Variants in POC1B observed in about 807,000 individuals in gnomAD.
POC1B encodes the protein POC1 centriolar protein B, also known as POC1 centriolar protein homolog B.
A neutral mutation model predicts 60.6 loss-of-function variants in POC1B; 44 were observed. The observed-to-expected ratio is 0.73, with a 90% CI of 0.57 to 0.93. The LOEUF (loss-of-function observed/expected upper bound fraction) is 0.93. POC1B is among the 40% of genes least tolerant of loss of function. POC1B has a pLI of 0.00. For synonymous variants in POC1B, 180 were observed against 198.9 expected, an observed-to-expected ratio of 0.90 and a Z score of 0.80; for missense variants, 555 against 572.3, an observed-to-expected ratio of 0.97 and a Z score of 0.31.
In POC1B at chr12:89,507,965, A is replaced by G. The variant is rs180995504; in HGVS notation, c.101-10623T>C. Among the ~76,000 whole-genome samples the G allele has an allele frequency of 1.2e-3, 181 of 152,330 alleles. 1 individual carries two copies. Among genetic ancestry groups the G allele is most frequent in the Admixed American group, 2.2e-3 (33 of 15,300 alleles). Reference sequence around the variant, plus strand: ...TATCTTACGTATCTTTTCAGTTGGTAATATGTGTACCTGAAACAGAATTCC... The same window carrying G: ...TATCTTACGTATCTTTTCAGTTGGTGATATGTGTACCTGAAACAGAATTCC... On this transcript the variant is annotated intron_variant, in intron 2 of 11. Coordinates refer to ENST00000313546, the MANE Select transcript of POC1B (RefSeq NM_172240.3).
At chr12:89,440,801 G>A (rs1049604942) in intron 10 of POC1B, among the ~76,000 whole-genome samples, 9 of 152,248 alleles carry the variant, frequency 5.9e-5, no homozygotes, top group African/African-American at 2.2e-4. Flanking sequence ...CACAGAGCAT[G>A]AGCCGAAGCA....
chr12:89,443,768 G>A (rs1881640360), intron 10 of POC1B, among the ~76,000 whole-genome samples: 2 of 151,996 alleles, frequency 1.3e-5, no homozygotes, highest in African/African-American at 4.8e-5. Flanking sequence ...CAGAACTGAA[G>A]GAGATAGAGA....
chr12:89,478,481 G>A (rs754275898), intron 4 of POC1B, among the ~76,000 whole-genome samples: 27 of 152,170 alleles, frequency 1.8e-4, no homozygotes, highest in Non-Finnish European at 3.1e-4. Flanking sequence ...TAAGCAAGAA[G>A]AGGCAACTCA....
intron 10 of POC1B, among the ~76,000 whole-genome samples, chr12:89,440,959 G>A (rs1312895153): frequency 6.6e-6 from 1 of 152,266 alleles, no homozygotes; most frequent in Admixed American, 6.5e-5. Context: ...AGCACACCAG[G>A]AGATTATATC....
intron 11 of POC1B, 36 bp downstream of exon 11, chr12:89,425,125 C>A: frequency 6.2e-7 from 1 of 1,600,734 alleles, no homozygotes; most frequent in Non-Finnish European, 8.6e-7. Flanking sequence ...GTATTTTACC[C>A]CCAAGTGCAA....
chr12:89,414,358 G>A, the POC1B span, among the ~76,000 whole-genome samples: 1 of 152,320 alleles, frequency 6.6e-6, no homozygotes, highest in South Asian at 2.1e-4. Context: ...CGAAGAAAAT[G>A]CAACTAATGT....
In POC1B at chr12:89,470,503, T is replaced by C. The variant is rs779242707; in HGVS notation, c.677-9A>G. On this transcript the variant is annotated splice_polypyrimidine_tract_variant and intron_variant, in intron 6 of 11. Coordinates refer to ENST00000313546, the MANE Select transcript of POC1B (RefSeq NM_172240.3). ...AACTCCACCGCTGTGAACTGATTTG[T>C]AGAAAATAAAAGCAAAAAGTTCAGA... 4.4e-6 allele frequency: 7 copies of C among 1,584,652 alleles called. No homozygotes were observed. The South Asian group carries it at 7.9e-5, about 18-fold the overall frequency.
chr12:89,522,464 T>C, intron 2 of POC1B: 2 of 354,756 alleles, frequency 5.6e-6, no homozygotes, highest in East Asian at 4.2e-5. Context: ...CACATCAACA[T>C]AAATCATACC....
rs770942692 is a variant in POC1B at position 89,523,955 on chromosome 12, T to C, written c.100+1165A>G. ...AGCCCCTCTCGCTTATTGGTCCTAA[T>C]CAAGCGTACTCTATCAAGATTGCTG... On this transcript the variant is annotated intron_variant, in intron 2 of 11. Transcript: ENST00000313546. 3.1e-6 allele frequency: 5 copies of C among 1,613,696 alleles called. No homozygotes were observed. The East Asian group carries it at 1.1e-4, about 36-fold the overall frequency.
At chr12:89,457,232 T>C (rs1882296461) in intron 10 of POC1B, among the ~76,000 whole-genome samples, 1 of 152,208 alleles carries the variant, frequency 6.6e-6, no homozygotes, top group Non-Finnish European at 1.5e-5. Flanking sequence ...ATGTCTGATT[T>C]GTTGTGCAGA....
At chr12:89,459,537 C>T (rs1186213597) in intron 10 of POC1B, 101 bp downstream of exon 10, 7 of 596,548 alleles carry the variant, frequency 1.2e-5, no homozygotes, top group African/African-American at 2.0e-5. Flanking sequence ...ACATAGGCCA[C>T]GTTTTATCTC....
intron 5 of POC1B, 132 bp downstream of exon 5, chr12:89,472,036 G>A: frequency 1.5e-6 from 1 of 666,404 alleles, no homozygotes. Context: ...CCGAAGTGCT[G>A]GCATTACAGG....
At chr12:89,525,428 T>C (rs868495601) in intron 1 of POC1B, 27 of 1,380,548 alleles carry the variant, frequency 2.0e-5, no homozygotes, top group Middle Eastern at 2.7e-4. Flanking sequence ...CGCAAAACGC[T>C]CTGTTCGCGC....
chr12:89,476,786 A>G, intron 4 of POC1B, among the ~76,000 whole-genome samples: 1 of 152,116 alleles, frequency 6.6e-6, no homozygotes, highest in South Asian at 2.1e-4. Flanking sequence ...AGACACTTTT[A>G]TAAAAAATTC....
At chr12:89,447,310 A>G (rs1881830677) in intron 10 of POC1B, among the ~76,000 whole-genome samples, 1 of 152,188 alleles carries the variant, frequency 6.6e-6, no homozygotes, top group Non-Finnish European at 1.5e-5. Flanking sequence ...TAAGACAGTC[A>G]TATGTTTATT....
intron 4 of POC1B, among the ~76,000 whole-genome samples, chr12:89,490,501 C>A (rs10858877): frequency 4.6e-5 from 7 of 152,104 alleles, no homozygotes; most frequent in Non-Finnish European, 7.4e-5. Flanking sequence ...CCTGCCACCA[C>A]GCCTAGCTAA....
intron 10 of POC1B, among the ~76,000 whole-genome samples, chr12:89,457,759 C>T (rs532711986): frequency 6.6e-6 from 1 of 152,180 alleles, no homozygotes; most frequent in East Asian, 1.9e-4. Flanking sequence ...TAATATTATC[C>T]TTTGTGGATA....
At chr12:89,489,439 T>A (rs1019675889) in intron 4 of POC1B, among the ~76,000 whole-genome samples, 2 of 152,152 alleles carry the variant, frequency 1.3e-5, no homozygotes, top group African/African-American at 4.8e-5. Flanking sequence ...CAGAAATAAT[T>A]CTGAGATGGC....
At chr12:89,505,743 T>C (rs575991526) in intron 2 of POC1B, among the ~76,000 whole-genome samples, 64 of 152,312 alleles carry the variant, frequency 4.2e-4, no homozygotes, top group South Asian at 1.2e-3. Flanking sequence ...ATAAAACATT[T>C]AGGAAAAAGC....
Sources: allele counts gnomAD v4.1 joint callset (sites outside exome capture counted in the v4.1 genomes callset), GRCh38; gene constraint gnomAD v4.1.1; transcripts MANE v1.5; gene names NCBI Gene and HGNC (gene_info 2026-07-23, HGNC 2026-07-21).